ABAT: variants seen among roughly 807,000 people sequenced by gnomAD.
ABAT encodes the protein 4-aminobutyrate aminotransferase, also known as 4-aminobutyrate aminotransferase, mitochondrial.
A neutral mutation model predicts 64.6 loss-of-function variants in ABAT; 45 were observed. The ratio of observed to expected loss-of-function variants is 0.70; its 90% CI spans 0.55 to 0.89. The LOEUF is 0.89. Ranked by LOEUF, ABAT falls within the 40% of genes least tolerant of loss-of-function variation. The pLI, the probability that ABAT is intolerant of heterozygous loss-of-function variation, is 0.00. For synonymous variants in ABAT, 297 were observed against 250.5 expected (o/e 1.19, Z -1.75); for missense variants, 633 against 658.4 (o/e 0.96, Z 0.42).
chr16:8,778,523 C>T (rs1249515011), intron 14 of ABAT, among the ~76,000 whole-genome samples: 1 of 152,128 alleles, frequency 6.6e-6, no homozygotes, highest in African/African-American at 2.4e-5. Context: ...ACCTGTAATC[C>T]CAGCACTTTG....
In ABAT at chr16:8,685,715, A is replaced by G. The variant is rs188255175; in HGVS notation, c.-42+11004A>G. Among the ~76,000 whole-genome samples the G allele has an allele frequency of 3.3e-5, 5 of 152,072 alleles. No homozygotes were observed. In the East Asian group the frequency reaches 9.6e-4, roughly 29 times the overall value. On this transcript the variant is annotated intron_variant, in intron 1 of 15. Transcript: ENST00000268251. ...AAAACAAACAACAGCAACATCGAAA[A>G]AACAAAAAAACAAAAAACCAATGTT...
chr16:8,725,381 C>T (rs921164819), intron 1 of ABAT, among the ~76,000 whole-genome samples: 1 of 152,190 alleles, frequency 6.6e-6, no homozygotes, highest in Non-Finnish European at 1.5e-5. Context: ...TCTCATTCCT[C>T]CCAGGCCCCT....
chr16:8,683,151 G>A lies in ABAT; in HGVS notation c.-42+8440G>A, dbSNP rs906455421. On this transcript the variant is annotated intron_variant, in intron 1 of 15. Transcript: ENST00000268251. ...CGTGGGAAACCAGAAGCCCAGAGGAGCAGTGCCTTGCCCAAGGTCACACGA... is the reference window on the plus strand; with the variant it reads ...CGTGGGAAACCAGAAGCCCAGAGGAACAGTGCCTTGCCCAAGGTCACACGA... The A allele has an allele frequency of 2.0e-5, 3 of 152,218 alleles. No individual in the cohort carries two copies. In the East Asian group the frequency reaches 5.8e-4, roughly 29 times the overall value. 9.4% of individuals were successfully genotyped at this position (152,218 alleles called of 1,614,324 possible).
intron 2 of ABAT, among the ~76,000 whole-genome samples, chr16:8,740,948 G>C (rs1424166086): frequency 1.3e-5 from 2 of 152,236 alleles, no homozygotes; most frequent in African/African-American, 2.4e-5. Context: ...CCTTCGTTCT[G>C]GCCAGGCTCA....
intron 11 of ABAT, 56 bp downstream of exon 11, chr16:8,769,029 C>G: frequency 6.2e-7 from 1 of 1,610,574 alleles, no homozygotes; most frequent in South Asian, 1.1e-5. Context: ...GCTCTTGCCG[C>G]CCCAAGACTT....
chr16:8,760,593 C>A (rs1042860701), intron 6 of ABAT, among the ~76,000 whole-genome samples: 3 of 152,240 alleles, frequency 2.0e-5, no homozygotes, highest in Admixed American at 2.0e-4. Flanking sequence ...TGATGAGGCC[C>A]ACTGAGGCCG....
At chr16:8,731,154 G>T (rs1189299192) in intron 1 of ABAT, among the ~76,000 whole-genome samples, 1 of 152,096 alleles carries the variant, frequency 6.6e-6, no homozygotes, top group African/African-American at 2.4e-5. Flanking sequence ...GTAGAGACAG[G>T]GTTTTACTGT....
chr16:8,723,486 A>G (rs939435135), intron 1 of ABAT, among the ~76,000 whole-genome samples: 1 of 152,132 alleles, frequency 6.6e-6, no homozygotes, highest in Non-Finnish European at 1.5e-5. Flanking sequence ...AAGTCTGCCT[A>G]TCTGTGGGGC....
rs567048440 is a variant in ABAT, at chr16:8,771,018, G to A, written c.817-1762G>A. Among the ~76,000 whole-genome samples the A allele has an allele frequency of 2.1e-4, 32 of 152,178 alleles. No individual in the cohort carries two copies. The South Asian group carries it at 3.7e-3, about 18-fold the overall frequency. On this transcript the variant is annotated intron_variant, in intron 11 of 15. Coordinates refer to ENST00000268251, the MANE Select transcript of ABAT (RefSeq NM_020686.6). ...AATGCTCTAAAAACAAAGAAAAACC[G>A]GGCGCGGTGGCTCATGCCTGTAACT... is the stretch of plus-strand genomic sequence containing the variant.
chr16:8,701,015 G>A (rs2057810393), intron 1 of ABAT, among the ~76,000 whole-genome samples: 2 of 148,606 alleles, frequency 1.3e-5, no homozygotes, highest in Admixed American at 1.4e-4. Context: ...TTGGCTCACT[G>A]TAACCTCTGC....
At chr16:8,772,411 C>T (rs1054521795) in intron 11 of ABAT, among the ~76,000 whole-genome samples, 1 of 152,108 alleles carries the variant, frequency 6.6e-6, no homozygotes, top group African/African-American at 2.4e-5. Context: ...GGCAGAACCA[C>T]AGCTAAAACA....
chr16:8,707,528 C>G (rs1416037834), intron 1 of ABAT, among the ~76,000 whole-genome samples: 2 of 151,898 alleles, frequency 1.3e-5, no homozygotes, highest in Non-Finnish European at 2.9e-5. Flanking sequence ...AGTCCCTTTT[C>G]TTCCTCCTTT....
chr16:8,776,844 G>A lies in ABAT; in HGVS notation c.1269+354G>A, dbSNP rs1057465476. On this transcript the variant is annotated intron_variant, in intron 14 of 15. Coordinates refer to ENST00000268251, the MANE Select transcript of ABAT (RefSeq NM_020686.6). The surrounding 1 kb of genome is among the most constrained non-coding windows in gnomAD (Gnocchi z 4.4). ...TCCTTCCACCTCAGCCTCCCAAAGT[G>A]CTGGGCAGCGCCTGCCGGCACTGGT... is the stretch of plus-strand genomic sequence containing the variant. 3.3e-5 allele frequency among the ~76,000 whole-genome samples: 5 copies of A among 152,124 alleles called. No homozygotes were observed. In the South Asian group the frequency reaches 8.3e-4, roughly 25 times the overall value.
chr16:8,715,164 A>G (rs1009665712), intron 1 of ABAT: 1 of 152,200 alleles, frequency 6.6e-6, no homozygotes, highest in African/African-American at 2.4e-5. Context: ...AAGACTATTC[A>G]CGCAACTACA....
At chr16:8,729,827 T>TAA (rs2058666565) in intron 1 of ABAT, among the ~76,000 whole-genome samples, 11 of 17,196 alleles carry the variant, frequency 6.4e-4, no homozygotes, top group Non-Finnish European at 1.0e-3. Flanking sequence ...CTTTTTTGTC[T>TAA]TAAAAAAAAA....
intron 10 of ABAT, 40 bp from the exon 11 acceptor site, chr16:8,768,785 C>T: frequency 1.2e-6 from 2 of 1,613,610 alleles, no homozygotes. Context: ...TGCCTGCTTC[C>T]CCAAGCCAAG....
intron 1 of ABAT, among the ~76,000 whole-genome samples, chr16:8,714,159 T>A (rs1340601624): frequency 6.6e-6 from 1 of 152,058 alleles, no homozygotes; most frequent in African/African-American, 2.4e-5. Flanking sequence ...GATATAGAAA[T>A]GATGAGATAA....
chr16:8,675,683 G>A (rs1712899973), intron 1 of ABAT, among the ~76,000 whole-genome samples: 1 of 152,144 alleles, frequency 6.6e-6, no homozygotes, highest in Non-Finnish European at 1.5e-5. Flanking sequence ...GGGCCTAGAG[G>A]CCCTTCCAGG....
intron 3 of ABAT, among the ~76,000 whole-genome samples, chr16:8,747,456 C>T (rs2059366322): frequency 6.6e-6 from 1 of 151,870 alleles, no homozygotes; most frequent in East Asian, 1.9e-4. Context: ...ATGCATGTTT[C>T]TATTGGGGAG....
Sources: gnomAD v4.1 joint callset for allele counts (sites outside exome capture counted in the v4.1 genomes callset) on GRCh38, gnomAD v4.1.1 for gene constraint, Gnocchi (gnomAD v3.1) non-coding constraint, MANE v1.5 for transcripts, NCBI Gene and HGNC (gene_info 2026-07-23, HGNC 2026-07-21) for gene names.